Variants in FNDC3A observed in about 807,000 individuals in gnomAD.
The protein encoded by FNDC3A is fibronectin type-III domain-containing protein 3A.
FNDC3A carries 32 observed loss-of-function variants against 148.9 expected under a neutral mutation model. The observed-to-expected ratio is 0.21, with a 90% confidence interval of 0.16 to 0.29. The LOEUF (loss-of-function observed/expected upper bound fraction) is 0.29. Among genes scored for constraint, FNDC3A ranks in the 10% least tolerant of loss-of-function variants. The pLI is 1.00. For synonymous variants in FNDC3A, 472 were observed against 473.6 expected, an observed-to-expected ratio of 1.00 and a Z score of 0.04; for missense variants, 1,191 against 1,452.8, an observed-to-expected ratio of 0.82 and a Z score of 2.93.
chr13:49,089,763 G>A (rs1297386359), intron 3 of FNDC3A, among the ~76,000 whole-genome samples: 1 of 152,142 alleles, frequency 6.6e-6, no homozygotes, highest in Non-Finnish European at 1.5e-5. Context: ...TGCCTTATGA[G>A]ACCCCGAACA....
intron 3 of FNDC3A, chr13:49,110,313 A>C (rs1171851044): frequency 1.3e-6 from 2 of 1,552,006 alleles, no homozygotes; most frequent in East Asian, 4.6e-5. Context: ...AAAAAAAAAA[A>C]GCCGTTCTCC....
chr13:49,150,561 A>G (rs2137980833), intron 8 of FNDC3A, among the ~76,000 whole-genome samples: 1 of 152,040 alleles, frequency 6.6e-6, no homozygotes, highest in Admixed American at 6.6e-5. Flanking sequence ...GTTTCCAGGT[A>G]GTTGCACAGT....
At chr13:49,202,676 C>T (rs1001238061) in intron 24 of FNDC3A, among the ~76,000 whole-genome samples, 2 of 152,106 alleles carry the variant, frequency 1.3e-5, no homozygotes, top group South Asian at 2.1e-4. Flanking sequence ...TCTGTTTGCT[C>T]ATCAAGTTTA....
At chr13:48,994,022 T>C (rs1445177710) in intron 1 of FNDC3A, among the ~76,000 whole-genome samples, 1 of 152,216 alleles carries the variant, frequency 6.6e-6, no homozygotes, top group African/African-American at 2.4e-5. Flanking sequence ...ATTTTTCTAA[T>C]CAAATTAAAA....
chr13:49,005,438 TCTTTTA>T (rs1303871541), intron 1 of FNDC3A, among the ~76,000 whole-genome samples: 3 of 151,972 alleles, frequency 2.0e-5, no homozygotes, highest in Non-Finnish European at 2.9e-5. Context: ...GCTTACATCA[TCTTTTA>T]CTTTTCTTTT....
At chr13:49,111,068 A>C (rs1414893785) in intron 3 of FNDC3A, among the ~76,000 whole-genome samples, 14 of 152,076 alleles carry the variant, frequency 9.2e-5, no homozygotes, top group Non-Finnish European at 5.9e-5. Flanking sequence ...AGGTATTGCT[A>C]CTCTTGTGCC....
At chr13:49,196,051 T>C (rs966685109) in intron 19 of FNDC3A, among the ~76,000 whole-genome samples, 3 of 129,644 alleles carry the variant, frequency 2.3e-5, no homozygotes, top group Non-Finnish European at 4.6e-5. Context: ...TCCTGCAGTC[T>C]AGGTGATGGA....
intron 3 of FNDC3A, among the ~76,000 whole-genome samples, chr13:49,089,162 A>C (rs1400187420): frequency 6.6e-6 from 1 of 152,176 alleles, no homozygotes; most frequent in African/African-American, 2.4e-5. Flanking sequence ...TGAACCATAC[A>C]CTTAAAATGT....
intron 19 of FNDC3A, 139 bp from the exon 20 acceptor site, chr13:49,196,738 A>C (rs2138123421): frequency 2.1e-6 from 1 of 484,900 alleles, no homozygotes; most frequent in South Asian, 4.2e-5. Flanking sequence ...TAATGTGAAT[A>C]CTTATAGAAT....
At chr13:49,105,714 C>G (rs1019366776) in intron 3 of FNDC3A, among the ~76,000 whole-genome samples, 1 of 152,130 alleles carries the variant, frequency 6.6e-6, no homozygotes, top group Non-Finnish European at 1.5e-5. Context: ...TATGAATGTT[C>G]TAAATTACAT....
At chr13:49,178,692 TC>T in intron 14 of FNDC3A, 38 bp downstream of exon 14, 2 of 1,195,762 alleles carry the variant, frequency 1.7e-6, no homozygotes, top group Non-Finnish European at 2.4e-6. Flanking sequence ...TGTTCCTTGT[TC>T]CTATTCTTAC....
intron 2 of FNDC3A, among the ~76,000 whole-genome samples, chr13:49,070,890 T>TTG (rs972284345): frequency 2.2e-4 from 32 of 145,116 alleles, no homozygotes; most frequent in African/African-American, 7.1e-4. Flanking sequence ...TCTTTTTTTT[T>TTG]TTTGTTTTGT....
chr13:49,174,091 G>C (rs1445734770), intron 11 of FNDC3A, among the ~76,000 whole-genome samples: 1 of 152,058 alleles, frequency 6.6e-6, no homozygotes, highest in East Asian at 1.9e-4. Context: ...GCCGCCAGTT[G>C]ACCCTATCAA....
chr13:49,201,910 C>A lies in FNDC3A; in HGVS notation c.3098C>A (p.Pro1033His). 1 of 1,592,142 alleles carries A rather than the reference C, an allele frequency of 6.3e-7. No individual in the cohort carries two copies. The highest frequency in any genetic ancestry group is 1.1e-5 in the South Asian group (1 of 88,008). Residue 1033 changes from proline to histidine, a missense_variant, in exon 24 of 26, where the codon CCC becomes CAC. By Grantham distance (77) the Pro-to-His change is moderately conservative. Around this residue, in one of 3 missense-constraint regions of FNDC3A, gnomAD observed 751 missense variants for 944.0 expected, o/e 0.80. Transcript: ENST00000492622. ...GCTTGTAATGAAGCTGGGGAAGGTC[C>A]CCTCTCCCAAGAATATATTTTCACT... is the stretch of plus-strand genomic sequence containing the variant. ...IQACNEAGEG[P>H]LSQEYIFTTP...
chr13:49,163,143 G>A (rs1884258335), intron 8 of FNDC3A, among the ~76,000 whole-genome samples: 2 of 152,174 alleles, frequency 1.3e-5, no homozygotes, highest in South Asian at 4.1e-4. Flanking sequence ...TCCGTGCTGG[G>A]AGAACCACTA....
At chr13:49,089,208 A>T (rs925815576) in intron 3 of FNDC3A, among the ~76,000 whole-genome samples, 47 of 152,350 alleles carry the variant, frequency 3.1e-4, no homozygotes, top group African/African-American at 1.1e-3. Flanking sequence ...TTTTACCACA[A>T]TTTAAAAAAT....
chr13:49,122,874 C>T (rs188400065), intron 4 of FNDC3A, among the ~76,000 whole-genome samples: 3 of 152,282 alleles, frequency 2.0e-5, no homozygotes, highest in Non-Finnish European at 2.9e-5. Context: ...GAAAAACATT[C>T]CATGCTCGTG....
At position 49,143,644 on chromosome 13, in the gene FNDC3A, A is replaced by G. The variant is rs182512109; in HGVS notation, c.820-2134A>G. ...TTTAAACCTAAATTTATTTCCAAAT[A>G]AAAGACTTTTAAAAATACTTTATTT... On this transcript the variant is annotated intron_variant, in intron 7 of 25. Transcript: ENST00000492622. 1.3e-3 allele frequency among the ~76,000 whole-genome samples: 191 copies of G among 152,286 alleles called. 1 individual carries two copies. Among genetic ancestry groups the G allele is most frequent in the Middle Eastern group, 0.01 (3 of 294 alleles).
intron 1 of FNDC3A, among the ~76,000 whole-genome samples, chr13:49,004,098 A>G (rs532481724): frequency 6.6e-6 from 1 of 152,256 alleles, no homozygotes; most frequent in South Asian, 2.1e-4. Context: ...AAAATACATC[A>G]AATGTTACAT....
Sources: gnomAD v4.1 joint callset for allele counts (sites outside exome capture counted in the v4.1 genomes callset) on GRCh38, gnomAD v4.1.1 for gene constraint, gnomAD v4.1.1 regional missense constraint, MANE v1.5 for transcripts, NCBI Gene and HGNC (gene_info 2026-07-23, HGNC 2026-07-21) for gene names.